TMEM132D: variants seen among roughly 807,000 people sequenced by gnomAD.
TMEM132D encodes the protein transmembrane protein 132D, also known as mature OL transmembrane protein.
TMEM132D carries 21 observed loss-of-function variants against 62.3 expected under a neutral mutation model. That is an observed-to-expected ratio of 0.34 (90% confidence interval 0.24 to 0.49). The LOEUF is 0.49. Among genes scored for constraint, TMEM132D ranks in the 20% least tolerant of loss-of-function variants. The pLI is 0.99. For synonymous variants in TMEM132D, 621 were observed against 575.6 expected (o/e 1.08, Z -1.13); for missense variants, 1,346 against 1,402.8 (o/e 0.96, Z 0.65).
At chr12:129,709,994 A>T (rs760576780) in intron 1 of TMEM132D, among the ~76,000 whole-genome samples, 3 of 152,330 alleles carry the variant, frequency 2.0e-5, no homozygotes, top group African/African-American at 7.2e-5. Context: ...AACATTTATG[A>T]CCAGCCCTAG....
intron 1 of TMEM132D, among the ~76,000 whole-genome samples, chr12:129,874,669 C>T (rs1874357704): frequency 1.3e-5 from 2 of 148,310 alleles, no homozygotes; most frequent in African/African-American, 4.9e-5. Context: ...TTTTATACAG[C>T]CCCAAAAGTA....
At chr12:129,407,247 T>C (rs1871819165) in intron 3 of TMEM132D, among the ~76,000 whole-genome samples, 1 of 152,190 alleles carries the variant, frequency 6.6e-6, no homozygotes. Context: ...CCATATCGAA[T>C]TAATATAATG....
rs556858843 is a variant in TMEM132D at position 129,575,927 on chromosome 12, T to C, written c.969-44722A>G. ...AGCTGGGACTACAGGCGCCCGCCAC[T>C]ACGCCCGGCTAATTTTTTGTATTTT... On this transcript the variant is annotated intron_variant, in intron 2 of 8. Transcript: ENST00000422113. Among the ~76,000 whole-genome samples the C allele has an allele frequency of 8.9e-3, 162 of 18,150 alleles. 49 individuals carry two copies. The Middle Eastern group carries it at 0.12, about 13-fold the overall frequency. The allele number at this position is 18,150 out of a possible 152,430, so 11.9% of individuals were successfully genotyped here. A position where few individuals can be genotyped will look rare whatever the true frequency, so the allele number is the denominator to read the frequency against.
At chr12:129,315,449 T>C (rs1386143130) in intron 4 of TMEM132D, among the ~76,000 whole-genome samples, 1 of 152,204 alleles carries the variant, frequency 6.6e-6, no homozygotes, top group African/African-American at 2.4e-5. Flanking sequence ...ATCACATTTA[T>C]TGACTCACAT....
rs1434193063 is a variant in TMEM132D at position 129,161,217 on chromosome 12, G to A, written c.1443+48303C>T. Reference sequence around the variant, plus strand: ...GGCTTCCTCCTGGGAGAGTCCAAGAGGAAAGACTGTGTACATATTTTGGGT... The same window carrying A: ...GGCTTCCTCCTGGGAGAGTCCAAGAAGAAAGACTGTGTACATATTTTGGGT... On this transcript the variant is annotated intron_variant, in intron 5 of 8. Coordinates refer to ENST00000422113, the MANE Select transcript of TMEM132D (RefSeq NM_133448.3). Among the ~76,000 whole-genome samples, 4 of 152,144 alleles carry A rather than the reference G, an allele frequency of 2.6e-5. No homozygotes were observed. The South Asian group carries it at 6.2e-4, about 24-fold the overall frequency.
At chr12:129,866,424 C>A (rs1051050242) in intron 1 of TMEM132D, among the ~76,000 whole-genome samples, 21 of 135,938 alleles carry the variant, frequency 1.5e-4, no homozygotes, top group Non-Finnish European at 2.7e-4. Flanking sequence ...TGGGGAACAT[C>A]ACACACCGGG....
intron 3 of TMEM132D, among the ~76,000 whole-genome samples, chr12:129,473,702 TATAGA>T (rs1874172101): frequency 6.6e-6 from 1 of 152,216 alleles, no homozygotes; most frequent in African/African-American, 2.4e-5. Context: ...CTTGATAAAC[TATAGA>T]ATAGTGTAAA....
chr12:129,849,038 T>TGGAGTAG (rs3046911), intron 1 of TMEM132D, among the ~76,000 whole-genome samples: 18,908 of 152,046 alleles, frequency 0.12, 1,755 homozygotes, highest in East Asian at 0.52. Context: ...CTCCCAAGAC[T>TGGAGTAG]GGAGTAGGGG....
At chr12:129,078,788 A>C (rs2135611893) in intron 7 of TMEM132D, 63 bp from the exon 8 acceptor site, 1 of 1,564,324 alleles carries the variant, frequency 6.4e-7, no homozygotes, top group East Asian at 2.3e-5. Context: ...GCCTCCAGTC[A>C]CAGGAGGAAG....
At chr12:129,660,394 C>T (rs907542806) in intron 2 of TMEM132D, among the ~76,000 whole-genome samples, 1 of 152,076 alleles carries the variant, frequency 6.6e-6, no homozygotes, top group Admixed American at 6.6e-5. Context: ...TCTCCTGCCT[C>T]CTCTGCTGGC....
At chr12:129,132,734 C>A (rs1876415970) in intron 5 of TMEM132D, among the ~76,000 whole-genome samples, 1 of 152,144 alleles carries the variant, frequency 6.6e-6, no homozygotes. Flanking sequence ...TATATCAGCA[C>A]ACCACGTTGT....
At chr12:129,618,405 T>C (rs1271475408) in intron 2 of TMEM132D, among the ~76,000 whole-genome samples, 1 of 152,248 alleles carries the variant, frequency 6.6e-6, no homozygotes, top group Non-Finnish European at 1.5e-5. Context: ...ATTTACCTGA[T>C]GTGTTTGTTC....
chr12:129,333,870 C>T (rs1367464909), intron 4 of TMEM132D, among the ~76,000 whole-genome samples: 1 of 152,136 alleles, frequency 6.6e-6, no homozygotes, highest in Non-Finnish European at 1.5e-5. Flanking sequence ...CCTGTAATTC[C>T]AGCACTTTGG....
At chr12:129,760,542 G>A (rs1273745053) in intron 1 of TMEM132D, among the ~76,000 whole-genome samples, 4 of 149,864 alleles carry the variant, frequency 2.7e-5, no homozygotes, top group Non-Finnish European at 6.0e-5. Flanking sequence ...GCAGAGATGG[G>A]GTATCCTGTT....
chr12:129,256,466 G>C (rs1880402430), intron 4 of TMEM132D, among the ~76,000 whole-genome samples: 1 of 151,746 alleles, frequency 6.6e-6, no homozygotes, highest in South Asian at 2.1e-4. Flanking sequence ...TGTTGCCCAG[G>C]CTGGAGTGCA....
At chr12:129,269,727 C>T (rs926992766) in intron 4 of TMEM132D, among the ~76,000 whole-genome samples, 1 of 152,170 alleles carries the variant, frequency 6.6e-6, no homozygotes, top group African/African-American at 2.4e-5. Context: ...TTGTTCCTGC[C>T]TGTTCCGCTC....
At chr12:129,528,260 A>C (rs554722408) in intron 3 of TMEM132D, among the ~76,000 whole-genome samples, 5 of 152,322 alleles carry the variant, frequency 3.3e-5, no homozygotes, top group South Asian at 2.1e-4. Context: ...TCCATTCACT[A>C]TCTGTAATCA....
At chr12:129,224,356 C>T (rs1566002976) in intron 4 of TMEM132D, among the ~76,000 whole-genome samples, 2 of 152,174 alleles carry the variant, frequency 1.3e-5, no homozygotes, top group African/African-American at 2.4e-5. Context: ...TAGATCAGGA[C>T]TTCTTTTTAC....
At chr12:129,568,827 T>G (rs1289979484) in intron 2 of TMEM132D, among the ~76,000 whole-genome samples, 1 of 152,212 alleles carries the variant, frequency 6.6e-6, no homozygotes, top group African/African-American at 2.4e-5. Flanking sequence ...ACCATAGATT[T>G]CTACAGTAAC....
Sources: allele counts gnomAD v4.1 joint callset (sites outside exome capture counted in the v4.1 genomes callset), GRCh38; gene constraint gnomAD v4.1.1; transcripts MANE v1.5; gene names NCBI Gene and HGNC (gene_info 2026-07-23, HGNC 2026-07-21).